TMEM131: variants seen among roughly 807,000 people sequenced by gnomAD.
TMEM131 encodes 2610524E03Rik.
A neutral mutation model predicts 211.6 loss-of-function variants in TMEM131; 66 were observed. The observed-to-expected ratio is 0.31, with a 90% CI of 0.26 to 0.38. TMEM131 has a LOEUF of 0.38. TMEM131 is among the 10% of genes least tolerant of loss of function. TMEM131 has a pLI of 1.00. For synonymous variants in TMEM131, 844 were observed against 841.3 expected (o/e 1.00, Z -0.06); for missense variants, 2,036 against 2,299.3 (o/e 0.89, Z 2.34).
chr2:97,929,236 CAG>C (rs1677118184), intron 1 of TMEM131, among the ~76,000 whole-genome samples: 1 of 151,640 alleles, frequency 6.6e-6, no homozygotes, highest in Non-Finnish European at 1.5e-5. Context: ...TAAGAATCAA[CAG>C]AAAGAGCTCC....
chr2:97,760,529 A>G, intron 38 of TMEM131, 64 bp downstream of exon 38: 2 of 1,474,420 alleles, frequency 1.4e-6, no homozygotes, highest in Admixed American at 3.9e-5. Flanking sequence ...TTATGGATAA[A>G]AAGGTGCTAA....
At chr2:97,993,009 T>C (rs1428886747) in intron 1 of TMEM131, among the ~76,000 whole-genome samples, 1 of 152,212 alleles carries the variant, frequency 6.6e-6, no homozygotes, top group Non-Finnish European at 1.5e-5. Flanking sequence ...AGACAAGGAA[T>C]GGTCCATGCT....
intron 1 of TMEM131, among the ~76,000 whole-genome samples, chr2:97,957,430 G>A (rs1383901120): frequency 6.6e-6 from 1 of 151,826 alleles, no homozygotes; most frequent in East Asian, 1.9e-4. Context: ...TCCCCCTCTA[G>A]TAACCAGGCA....
At chr2:97,897,164 T>C (rs1675649172) in intron 3 of TMEM131, among the ~76,000 whole-genome samples, 1 of 152,138 alleles carries the variant, frequency 6.6e-6, no homozygotes, top group Non-Finnish European at 1.5e-5. Context: ...TTACTGACTG[T>C]ATTACTTTTT....
chr2:97,963,858 TTTC>T (rs1559478490), intron 1 of TMEM131, among the ~76,000 whole-genome samples: 2 of 152,246 alleles, frequency 1.3e-5, no homozygotes, highest in East Asian at 3.8e-4. Flanking sequence ...TTTAAAAGTT[TTTC>T]TTCTATGCAA....
rs542101651 is a variant in TMEM131, at chr2:97,885,436, C to T, written c.359+2616G>A. Among the ~76,000 whole-genome samples, 81 of 66,368 alleles carry T rather than the reference C, an allele frequency of 1.2e-3. 1 individual carries two copies. The highest frequency in any genetic ancestry group is 6.8e-3 in the African/African-American group (75 of 11,108). The allele number at this position is 66,368 out of a possible 152,430, so 43.5% of individuals were successfully genotyped here. On this transcript the variant is annotated intron_variant, in intron 4 of 40. Coordinates refer to ENST00000186436, the MANE Select transcript of TMEM131 (RefSeq NM_015348.2). ...GTCTTGATCTCCTGACCTTGTGATCCGCCCGCCTCCCAAAGTGCTGGGATT... is the reference window on the plus strand; with the variant it reads ...GTCTTGATCTCCTGACCTTGTGATCTGCCCGCCTCCCAAAGTGCTGGGATT...
At chr2:97,932,784 T>C (rs974381555) in intron 1 of TMEM131, among the ~76,000 whole-genome samples, 4 of 151,262 alleles carry the variant, frequency 2.6e-5, no homozygotes, top group Admixed American at 6.6e-5. Context: ...ACTAAGCTAT[T>C]ACTGGAACTA....
At chr2:97,821,325 G>A (rs763711449) in intron 11 of TMEM131, among the ~76,000 whole-genome samples, 5 of 152,012 alleles carry the variant, frequency 3.3e-5, no homozygotes, top group Non-Finnish European at 7.4e-5. Flanking sequence ...TGCATCAATC[G>A]GCATTCTGTA....
intron 12 of TMEM131, among the ~76,000 whole-genome samples, chr2:97,818,378 C>G (rs1035493603): frequency 1.4e-5 from 2 of 142,048 alleles, no homozygotes; most frequent in African/African-American, 5.3e-5. Context: ...TAGTGCTTTT[C>G]TATTGCTAAT....
rs370232757 is a variant in TMEM131 at position 97,914,665 on chromosome 2, C to T, written c.250-5967G>A. On this transcript the variant is annotated intron_variant, in intron 2 of 40. Coordinates refer to ENST00000186436, the MANE Select transcript of TMEM131 (RefSeq NM_015348.2). The stretch of plus-strand genomic sequence containing the variant: ...TTTGGAGTTGGCTTTTTTCACTCAG[C>T]CTAATTCTCTGGAGACTTACCCAGG... 4.6e-5 allele frequency among the ~76,000 whole-genome samples: 7 copies of T among 152,296 alleles called. No homozygotes were observed. In the East Asian group the frequency reaches 9.6e-4, roughly 21 times the overall value.
intron 22 of TMEM131, among the ~76,000 whole-genome samples, chr2:97,804,300 C>T (rs899883765): frequency 3.9e-5 from 6 of 152,016 alleles, no homozygotes; most frequent in Non-Finnish European, 7.4e-5. Flanking sequence ...CATTTCCTAC[C>T]TGCCAAAGAA....
chr2:97,868,850 AG>A (rs763588697), intron 4 of TMEM131, among the ~76,000 whole-genome samples: 1 of 152,206 alleles, frequency 6.6e-6, no homozygotes, highest in Admixed American at 6.5e-5. Flanking sequence ...GTGGAGACTC[AG>A]ATCCTTTAAA....
intron 4 of TMEM131, among the ~76,000 whole-genome samples, chr2:97,877,104 A>AT (rs2104167311): frequency 6.6e-6 from 1 of 152,322 alleles, no homozygotes; most frequent in Admixed American, 6.5e-5. Context: ...CCCATTCACA[A>AT]TTGCTACGAA....
In TMEM131 at chr2:97,927,049, G is replaced by A. The variant is rs74432315; in HGVS notation, c.249+377C>T. On this transcript the variant is annotated intron_variant, in intron 2 of 40. Coordinates refer to ENST00000186436, the MANE Select transcript of TMEM131 (RefSeq NM_015348.2). ...CTTAAGATCATTTTTTAGTAGGAAGGCTTTATAAAATTAGAGCTCATTATG... is the reference window on the plus strand; with the variant it reads ...CTTAAGATCATTTTTTAGTAGGAAGACTTTATAAAATTAGAGCTCATTATG... Among the ~76,000 whole-genome samples, 133 of 152,254 alleles carry A rather than the reference G, an allele frequency of 8.7e-4. 1 individual carries two copies. Among genetic ancestry groups the A allele is most frequent in the African/African-American group, 3.1e-3 (129 of 41,540 alleles).
chr2:97,786,656 C>T (rs914983316), intron 31 of TMEM131, among the ~76,000 whole-genome samples: 3 of 152,150 alleles, frequency 2.0e-5, no homozygotes, highest in African/African-American at 7.2e-5. Context: ...AGAGAACCAC[C>T]CACTAGCTAT....
Position 97,759,017 on chromosome 2 carries a change from T to C in TMEM131, c.5243A>G (p.Asn1748Ser), listed in dbSNP as rs773674936. 3 of 1,613,970 alleles carry C rather than the reference T, an allele frequency of 1.9e-6. No homozygotes were observed. The highest frequency in any genetic ancestry group is 1.7e-5 in the Admixed American group (1 of 60,016). ...FSKLGLSRSCNQASQRSWNEF... is the reference protein window; with the variant it reads ...FSKLGLSRSCSQASQRSWNEF... ...GTTCCAGCTCCTCTGTGAGGCCTGA[T>C]TGCACGATCGAGATAATCCGAGTTT... The change falls in exon 40 of 41, where the codon AAT becomes AGT. Residue 1748 changes from asparagine (N) to serine (S), a missense_variant. Coordinates refer to ENST00000186436, the MANE Select transcript of TMEM131 (RefSeq NM_015348.2).
At chr2:97,819,986 C>T (rs1031821483) in intron 11 of TMEM131, among the ~76,000 whole-genome samples, 1 of 152,204 alleles carries the variant, frequency 6.6e-6, no homozygotes, top group Non-Finnish European at 1.5e-5. Context: ...TGTGTGGGAT[C>T]ACAGGGTACG....
At chr2:97,984,564 C>T (rs1284045325) in intron 1 of TMEM131, among the ~76,000 whole-genome samples, 1 of 152,046 alleles carries the variant, frequency 6.6e-6, no homozygotes, top group Non-Finnish European at 1.5e-5. Flanking sequence ...GTGCAGATCA[C>T]ATGGCGGCAA....
intron 2 of TMEM131, among the ~76,000 whole-genome samples, chr2:97,917,282 T>C (rs1296433703): frequency 6.6e-6 from 1 of 152,218 alleles, no homozygotes; most frequent in Non-Finnish European, 1.5e-5. Flanking sequence ...AAGTAGTTAA[T>C]ATCTGGTCCT....
Sources: gnomAD v4.1 joint callset for allele counts (sites outside exome capture counted in the v4.1 genomes callset) on GRCh38, gnomAD v4.1.1 for gene constraint, MANE v1.5 for transcripts, NCBI Gene and HGNC (gene_info 2026-07-23, HGNC 2026-07-21) for gene names.